CAPN9: variants seen among roughly 807,000 people sequenced by gnomAD.
CAPN9 encodes the protein calpain-9.
CAPN9 carries 81 observed loss-of-function variants against 92.8 expected under a neutral mutation model. The observed-to-expected ratio is 0.87, with a 90% CI of 0.73 to 1.05. CAPN9 has a LOEUF of 1.05. Among genes scored for constraint, CAPN9 ranks in the 50% least tolerant of loss-of-function variants. CAPN9 has a pLI of 0.00. For missense variants in CAPN9, 848 were observed against 866.2 expected (o/e 0.98, Z 0.26); for synonymous variants, 304 against 328.0 (o/e 0.93, Z 0.79).
chr1:230,800,302 GAAAGGA>G (rs1466937209), intron 19 of CAPN9, among the ~76,000 whole-genome samples: 1 of 74,724 alleles, frequency 1.3e-5, no homozygotes, highest in Non-Finnish European at 2.9e-5. Context: ...AAGAAAGAAA[GAAAGGA>G]AAAACAAGAG....
In CAPN9 at chr1:230,772,070, G is replaced by T; in HGVS notation, c.846G>T (p.Gln282His). ...TCCGAATCCGGAACCCTTGGGGCCA[G>T]GTTGAGTGGAACGGGTCGTGGAGCG... ...ELIRIRNPWGQVEWNGSWSDS... is the reference protein window; with the variant it reads ...ELIRIRNPWGHVEWNGSWSDS... The change falls in exon 7 of 20, where the codon CAG (glutamine) becomes CAT (histidine). Residue 282 changes from glutamine to histidine, a missense_variant. Gln to His is a conservative substitution (Grantham distance 24). Coordinates refer to ENST00000271971, the MANE Select transcript of CAPN9 (RefSeq NM_006615.3). The T allele has an allele frequency of 6.2e-7, 1 of 1,614,270 alleles. No homozygotes were observed. Among genetic ancestry groups the T allele is most frequent in the Non-Finnish European group, 8.5e-7 (1 of 1,180,034 alleles).
At chr1:230,795,395 A>G (rs934280505) in intron 18 of CAPN9, 116 bp downstream of exon 18, 5 of 670,784 alleles carry the variant, frequency 7.5e-6, no homozygotes, top group Non-Finnish European at 1.3e-5. Flanking sequence ...ACAGAGAGCC[A>G]TGGTCTGATG....
At chr1:230,759,450 G>T in intron 2 of CAPN9, 62 bp from the exon 3 acceptor site, 1 of 1,205,324 alleles carries the variant, frequency 8.3e-7, no homozygotes, top group Admixed American at 2.0e-5. Context: ...TTCTGACACA[G>T]AGTTTTCCTA....
At chr1:230,782,877 A>C (rs1033730768) in intron 11 of CAPN9, among the ~76,000 whole-genome samples, 1 of 152,168 alleles carries the variant, frequency 6.6e-6, no homozygotes, top group African/African-American at 2.4e-5. Context: ...TTAGCTGGGC[A>C]TGGTGGCACG....
At chr1:230,748,957 C>A (rs181181572) in intron 1 of CAPN9, among the ~76,000 whole-genome samples, 1 of 152,046 alleles carries the variant, frequency 6.6e-6, no homozygotes, top group East Asian at 1.9e-4. Context: ...TGTGTGTGCA[C>A]GCACTTGTGT....
At chr1:230,793,727 A>G (rs559072824) in intron 17 of CAPN9, among the ~76,000 whole-genome samples, 4 of 152,370 alleles carry the variant, frequency 2.6e-5, no homozygotes, top group African/African-American at 9.6e-5. Flanking sequence ...AAGTATACAC[A>G]GCCAGGACCA....
intron 18 of CAPN9, among the ~76,000 whole-genome samples, chr1:230,796,870 C>A (rs773316168): frequency 8.5e-5 from 13 of 152,094 alleles, no homozygotes; most frequent in Non-Finnish European, 1.5e-4. Context: ...GGGTGAAGAC[C>A]CTTTAGGCTT....
At chr1:230,783,274 C>T (rs1667350916) in intron 11 of CAPN9, among the ~76,000 whole-genome samples, 7 of 152,200 alleles carry the variant, frequency 4.6e-5, no homozygotes, top group Admixed American at 4.6e-4. Context: ...TGACTGCTGG[C>T]TTAACTTCTT....
chr1:230,775,068 T>C (rs1230178122), intron 8 of CAPN9, among the ~76,000 whole-genome samples: 1 of 151,946 alleles, frequency 6.6e-6, no homozygotes, highest in Non-Finnish European at 1.5e-5. Flanking sequence ...GCAAATCAAA[T>C]TCATCTGTCT....
chr1:230,778,306 C>A (rs1338412682), intron 8 of CAPN9, among the ~76,000 whole-genome samples: 1 of 152,174 alleles, frequency 6.6e-6, no homozygotes, highest in East Asian at 1.9e-4. Flanking sequence ...ACCAAGCCAC[C>A]CTTGTCTCTC....
intron 19 of CAPN9, among the ~76,000 whole-genome samples, chr1:230,800,304 AAGG>A (rs1347282704): frequency 2.0e-5 from 1 of 51,122 alleles, no homozygotes; most frequent in South Asian, 6.4e-4. Context: ...GAAAGAAAGA[AAGG>A]AAAAACAAGA....
chr1:230,789,464 A>C, intron 13 of CAPN9, among the ~76,000 whole-genome samples: 1 of 117,296 alleles, frequency 8.5e-6, no homozygotes, highest in South Asian at 3.2e-4. Context: ...ACAGAGCAAG[A>C]CCCTGTATCA....
chr1:230,792,718 A>G, intron 16 of CAPN9, 132 bp from the exon 17 acceptor site: 1 of 809,146 alleles, frequency 1.2e-6, no homozygotes, highest in South Asian at 1.6e-5. Context: ...TTCTTTTGGA[A>G]GGCCCAGTCC....
chr1:230,768,133 C>G (rs1271942229), intron 5 of CAPN9, among the ~76,000 whole-genome samples: 1 of 151,852 alleles, frequency 6.6e-6, no homozygotes, highest in Non-Finnish European at 1.5e-5. Context: ...TGTCTGGAGT[C>G]TGAGGCAGGA....
chr1:230,800,245 A>G (rs1484821371), intron 19 of CAPN9, among the ~76,000 whole-genome samples: 1 of 98,432 alleles, frequency 1.0e-5, no homozygotes, highest in Non-Finnish European at 2.1e-5. Context: ...AAAGAAAGAA[A>G]GAAAGAAAGA....
chr1:230,766,396 A>G (rs989398969), intron 4 of CAPN9, among the ~76,000 whole-genome samples: 3 of 152,248 alleles, frequency 2.0e-5, no homozygotes, highest in Admixed American at 1.3e-4. Flanking sequence ...AAATCAGGGT[A>G]ATTGAGATAC....
intron 19 of CAPN9, among the ~76,000 whole-genome samples, chr1:230,800,898 G>T (rs955214438): frequency 6.6e-6 from 1 of 152,064 alleles, no homozygotes; most frequent in Non-Finnish European, 1.5e-5. Flanking sequence ...GGCTGAGTTG[G>T]CCTCACCTGC....
At chr1:230,781,747 C>T (rs1245981782) in intron 11 of CAPN9, among the ~76,000 whole-genome samples, 2 of 152,198 alleles carry the variant, frequency 1.3e-5, no homozygotes, top group African/African-American at 4.8e-5. Context: ...ACAGAGTTAA[C>T]AAGAGAGACA....
At chr1:230,753,890 G>C (rs1174109513) in intron 1 of CAPN9, among the ~76,000 whole-genome samples, 1 of 128,712 alleles carries the variant, frequency 7.8e-6, no homozygotes, top group African/African-American at 3.0e-5. Context: ...GTGCTCCTCT[G>C]CTTCCCCCAG....
Sources: gnomAD v4.1 joint callset for allele counts (sites outside exome capture counted in the v4.1 genomes callset) on GRCh38, gnomAD v4.1.1 for gene constraint, MANE v1.5 for transcripts, NCBI Gene and HGNC (gene_info 2026-07-23, HGNC 2026-07-21) for gene names.